The following SYCP1 variants were observed in gnomAD, a reference collection of about 807,000 sequenced individuals.
The protein encoded by SYCP1 is cancer/testis antigen 8.
In SYCP1, 64 loss-of-function variants were observed where a neutral mutation model predicts 153.1. The ratio of observed to expected loss-of-function variants is 0.42; its 90% CI spans 0.34 to 0.51. The LOEUF (loss-of-function observed/expected upper bound fraction) is 0.51. Ranked by LOEUF, SYCP1 falls within the 20% of genes least tolerant of loss-of-function variation. SYCP1 has a pLI of 0.06. For missense variants in SYCP1, 997 were observed against 1,049.0 expected (o/e 0.95, Z 0.68); for synonymous variants, 384 against 341.8 (o/e 1.12, Z -1.36).
intron 15 of SYCP1, among the ~76,000 whole-genome samples, chr1:114,891,118 G>C (rs1031408288): frequency 4.0e-5 from 6 of 151,842 alleles, no homozygotes; most frequent in Non-Finnish European, 8.8e-5. Context: ...ATTCTTCTTT[G>C]TTTCCTGGCT....
intron 23 of SYCP1, among the ~76,000 whole-genome samples, chr1:114,932,286 C>A (rs1343739545): frequency 1.3e-5 from 2 of 152,118 alleles, no homozygotes; most frequent in Non-Finnish European, 2.9e-5. Context: ...AAAGAAAACA[C>A]TGACTAAACA....
At chr1:114,855,670 C>T (rs1663887409) in intron 2 of SYCP1, 98 bp downstream of exon 2, 2 of 972,702 alleles carry the variant, frequency 2.1e-6, no homozygotes, top group African/African-American at 1.6e-5. Flanking sequence ...ATTATTTCTT[C>T]TCAATAAATG....
intron 20 of SYCP1, among the ~76,000 whole-genome samples, chr1:114,917,774 A>G (rs149200042): frequency 9.2e-5 from 14 of 152,204 alleles, no homozygotes; most frequent in African/African-American, 3.4e-4. Context: ...TGCCATTGGT[A>G]TGTCTTCTTT....
chr1:114,950,847 TC>T (rs1671057807), intron 27 of SYCP1, among the ~76,000 whole-genome samples: 1 of 41,086 alleles, frequency 2.4e-5, no homozygotes. Context: ...AGACAGAGTC[TC>T]ACGTCTCACT....
rs769875434 is a variant in SYCP1 at position 114,886,245 on chromosome 1, G to T, written c.1126G>T (p.Val376Leu). ...TAAAGCTAGAGCTGCTCATTCGTTT[G>T]TGGTTACTGAATTTGAAACTACTGT... ...SNKARAAHSFVVTEFETTVCS... is the reference protein window; with the variant it reads ...SNKARAAHSFLVTEFETTVCS... Residue 376 changes from valine to leucine, a missense_variant, in exon 14 of 32, where the codon GTG (valine) becomes TTG (leucine). Physicochemically the swap from Val to Leu is conservative, Grantham distance 32. Coordinates refer to ENST00000369522, the MANE Select transcript of SYCP1 (RefSeq NM_003176.4). 1 of 1,608,152 alleles carries T rather than the reference G, an allele frequency of 6.2e-7. No individual in the cohort carries two copies. The highest frequency in any genetic ancestry group is 2.2e-5 in the East Asian group (1 of 44,634).
intron 21 of SYCP1, 115 bp downstream of exon 21, chr1:114,923,645 G>C: frequency 1.9e-6 from 2 of 1,069,536 alleles, no homozygotes; most frequent in Non-Finnish European, 2.5e-6. Context: ...TAGTGATCTA[G>C]AGACTGTCAT....
intron 23 of SYCP1, among the ~76,000 whole-genome samples, chr1:114,942,630 T>A (rs1413711185): frequency 6.6e-6 from 1 of 151,924 alleles, no homozygotes; most frequent in Non-Finnish European, 1.5e-5. Flanking sequence ...TTTGACTATC[T>A]ATATGGAAAA....
chr1:114,939,452 A>G (rs562021890), intron 23 of SYCP1, among the ~76,000 whole-genome samples: 15 of 152,366 alleles, frequency 9.8e-5, no homozygotes, highest in African/African-American at 3.6e-4. Flanking sequence ...ATAATGGAAT[A>G]CTACTCAGAA....
chr1:114,918,871 T>A (rs1668677916), intron 20 of SYCP1, among the ~76,000 whole-genome samples: 1 of 152,148 alleles, frequency 6.6e-6, no homozygotes, highest in Non-Finnish European at 1.5e-5. Context: ...GTTCTAATAG[T>A]TTTTTGGTGA....
Position 114,984,779 on chromosome 1 carries a change from A to AAT in SYCP1, c.2618_2619dup (p.Pro874TyrfsTer29). The AAT allele has an allele frequency of 6.6e-7, 1 of 1,517,722 alleles. No individual in the cohort carries two copies. The highest frequency in any genetic ancestry group is 8.8e-7 in the Non-Finnish European group (1 of 1,134,786). 94.0% of individuals were successfully genotyped at this position (1,517,722 alleles called of 1,614,324 possible). ...AAAACTACAGCAAAGAGAAAACTTG[A>AAT]ATATACCCATTGAAGAAAGTAAAAA... On this transcript the variant is annotated frameshift_variant, in exon 30 of 32. Transcript: ENST00000369522. LOFTEE classifies it high-confidence loss of function.
intron 30 of SYCP1, 111 bp downstream of exon 30, chr1:114,984,979 T>G: frequency 2.2e-6 from 1 of 449,050 alleles, no homozygotes; most frequent in Non-Finnish European, 3.4e-6. Flanking sequence ...ATTGCAATAC[T>G]GATATACAGT....
rs1667858781 is a variant in SYCP1, at chr1:114,907,058, A to G, written c.1321-3339A>G. ...ACTACCATATCTTCTTGATGAATTGACCCTTTGATTATAATTAAATGCCCT... is the reference window on the plus strand; with the variant it reads ...ACTACCATATCTTCTTGATGAATTGGCCCTTTGATTATAATTAAATGCCCT... On this transcript the variant is annotated intron_variant, in intron 16 of 31. Coordinates refer to ENST00000369522, the MANE Select transcript of SYCP1 (RefSeq NM_003176.4). Among the ~76,000 whole-genome samples, 3 of 152,164 alleles carry G rather than the reference A, an allele frequency of 2.0e-5. No individual in the cohort carries two copies. In the South Asian group the frequency reaches 6.2e-4, roughly 32 times the overall value.
chr1:114,918,569 A>G (rs920094547), intron 20 of SYCP1, among the ~76,000 whole-genome samples: 1 of 152,036 alleles, frequency 6.6e-6, no homozygotes, highest in Non-Finnish European at 1.5e-5. Context: ...GAATCTGTAG[A>G]CTGCTTTGGG....
At chr1:114,872,163 A>G (rs1665194006) in intron 8 of SYCP1, among the ~76,000 whole-genome samples, 1 of 151,624 alleles carries the variant, frequency 6.6e-6, no homozygotes, top group Non-Finnish European at 1.5e-5. Context: ...TTTTCTTTAT[A>G]GAGATCTGAA....
chr1:114,910,986 TA>T (rs1243104478), intron 17 of SYCP1, among the ~76,000 whole-genome samples: 5 of 152,150 alleles, frequency 3.3e-5, no homozygotes, highest in Admixed American at 2.6e-4. Context: ...GTTCTTAGTT[TA>T]TAGTACTTTT....
chr1:114,915,358 A>G (rs148467613), intron 20 of SYCP1, among the ~76,000 whole-genome samples: 9,274 of 152,296 alleles, frequency 0.061, 321 homozygotes, highest in Middle Eastern at 0.14. Flanking sequence ...CTGATAAGAT[A>G]CAAATATTGA....
Position 114,981,412 on chromosome 1 carries a change from T to C in SYCP1, c.2459T>C (p.Val820Ala), listed in dbSNP as rs1174025493. 5 of 1,609,608 alleles carry C rather than the reference T, an allele frequency of 3.1e-6. No homozygotes were observed. Among genetic ancestry groups the C allele is most frequent in the Non-Finnish European group, 3.4e-6 (4 of 1,178,218 alleles). The change falls in exon 29 of 32, where the codon GTA becomes GCA. Residue 820 changes from valine to alanine, a missense_variant. Physicochemically the swap from Val to Ala is moderately conservative, Grantham distance 64 (BLOSUM62 0). Coordinates refer to ENST00000369522, the MANE Select transcript of SYCP1 (RefSeq NM_003176.4). ...LDSKAVPSQT[V>A]SRNFTSVDHG... The stretch of plus-strand genomic sequence containing the variant: ...TCTAAAGCAGTTCCTTCACAAACTG[T>C]ATCTCGAAATTTCACATCAGTTGAT...
chr1:114,922,827 G>A (rs1267626715), intron 20 of SYCP1, among the ~76,000 whole-genome samples: 1 of 152,094 alleles, frequency 6.6e-6, no homozygotes, highest in African/African-American at 2.4e-5. Flanking sequence ...TCTCATCTGA[G>A]ACAAGGCAAA....
chr1:114,886,271 C>T lies in SYCP1; in HGVS notation c.1152C>T (p.Val384=), dbSNP rs200894371. 1.9e-6 allele frequency: 3 copies of T among 1,599,684 alleles called. No homozygotes were observed. Among genetic ancestry groups the T allele is most frequent in the Non-Finnish European group, 2.6e-6 (3 of 1,174,554 alleles). Reference sequence around the variant, plus strand: ...TGGTTACTGAATTTGAAACTACTGTCTGCAGCTTGGAAGAATTATTGAGAA... The same window carrying T: ...TGGTTACTGAATTTGAAACTACTGTTTGCAGCTTGGAAGAATTATTGAGAA... ...SFVVTEFETT[V]CSLEELLRTE... Residue 384 remains valine (V), a synonymous_variant, in exon 14 of 32, where the codon GTC becomes GTT. Transcript: ENST00000369522.
Sources: allele counts gnomAD v4.1 joint callset (sites outside exome capture counted in the v4.1 genomes callset), GRCh38; gene constraint gnomAD v4.1.1; transcripts MANE v1.5; gene names NCBI Gene and HGNC (gene_info 2026-07-23, HGNC 2026-07-21).